Variants in FBXL13 observed in about 807,000 individuals in gnomAD.
FBXL13 encodes F-box and leucine-rich repeat protein 13.
FBXL13 carries 67 observed loss-of-function variants against 83.6 expected under a neutral mutation model. The ratio of observed to expected loss-of-function variants is 0.80; its 90% CI spans 0.66 to 0.98. The LOEUF (loss-of-function observed/expected upper bound fraction) is 0.98. Ranked by LOEUF, FBXL13 falls within the 50% of genes least tolerant of loss-of-function variation. FBXL13 has a pLI of 0.00. For missense variants in FBXL13, 822 were observed against 866.5 expected (o/e 0.95, Z 0.64); for synonymous variants, 272 against 299.5 (o/e 0.91, Z 0.95).
Position 102,926,574 on chromosome 7 carries a change from C to T in FBXL13, c.778-200G>A, listed in dbSNP as rs147421976. Among the ~76,000 whole-genome samples the T allele has an allele frequency of 3.7e-3, 568 of 152,302 alleles. 5 individuals carry two copies. Among genetic ancestry groups the T allele is most frequent in the African/African-American group, 0.013 (561 of 41,562 alleles). On this transcript the variant is annotated intron_variant, in intron 9 of 19. Transcript: ENST00000313221. The stretch of plus-strand genomic sequence containing the variant: ...TTTGCTCAAAGCATCATTACTCCCT[C>T]CTTTTCCCTTTCCTTGGAAATCAAG...
Position 102,914,827 on chromosome 7 carries a change from G to A in FBXL13, c.879-1612C>T, listed in dbSNP as rs545335125. Among the ~76,000 whole-genome samples the A allele has an allele frequency of 8.5e-5, 13 of 152,294 alleles. No homozygotes were observed. In the South Asian group the frequency reaches 2.7e-3, roughly 32 times the overall value. ...CTCTTGGGGCTGTCGAGTGGACTGA[G>A]CTGTGCTAAAGTTTTGGAAATGCGT... On this transcript the variant is annotated intron_variant, in intron 10 of 19. Transcript: ENST00000313221.
chr7:102,973,585 T>C (rs190878117), intron 6 of FBXL13: 6 of 765,632 alleles, frequency 7.8e-6, no homozygotes, highest in African/African-American at 5.1e-5. Flanking sequence ...TGGCACACTC[T>C]CAAGAGTTTG....
intron 11 of FBXL13, among the ~76,000 whole-genome samples, chr7:102,889,142 T>C (rs929192619): frequency 2.6e-5 from 4 of 152,210 alleles, no homozygotes; most frequent in African/African-American, 4.8e-5. Flanking sequence ...TGAGAACTCA[T>C]TGTGGTGCAG....
intron 11 of FBXL13, among the ~76,000 whole-genome samples, chr7:102,903,945 T>C (rs956879486): frequency 6.2e-4 from 88 of 142,806 alleles, no homozygotes; most frequent in African/African-American, 1.7e-3. Flanking sequence ...TTTTCTTTTT[T>C]TTTTTTTTTT....
chr7:102,991,836 T>C (rs2129484547), intron 6 of FBXL13, among the ~76,000 whole-genome samples: 1 of 152,290 alleles, frequency 6.6e-6, no homozygotes, highest in Admixed American at 6.5e-5. Flanking sequence ...ACAGGAAGCA[T>C]GAGTCAGGAA....
chr7:103,016,231 T>A (rs949799279), intron 6 of FBXL13, among the ~76,000 whole-genome samples: 1 of 146,332 alleles, frequency 6.8e-6, no homozygotes, highest in Non-Finnish European at 1.5e-5. Flanking sequence ...AGAACAATGC[T>A]GGAGACATCA....
intron 2 of FBXL13, among the ~76,000 whole-genome samples, chr7:103,040,180 T>C (rs1795514168): frequency 6.6e-6 from 1 of 152,034 alleles, no homozygotes. Flanking sequence ...AATCCTAGTC[T>C]CTGATAAAAC....
At chr7:102,937,270 C>A (rs2129474410) in intron 8 of FBXL13, among the ~76,000 whole-genome samples, 1 of 151,198 alleles carries the variant, frequency 6.6e-6, no homozygotes, top group African/African-American at 2.4e-5. Flanking sequence ...GAGGCCGAGG[C>A]AGGTGGGACA....
intron 17 of FBXL13, among the ~76,000 whole-genome samples, chr7:102,845,669 C>G (rs1459650235): frequency 6.6e-6 from 1 of 152,186 alleles, no homozygotes; most frequent in East Asian, 1.9e-4. Context: ...TAATCCATTT[C>G]CTTCTCCCCA....
At chr7:103,011,085 C>A (rs181396267) in intron 6 of FBXL13, among the ~76,000 whole-genome samples, 107 of 152,272 alleles carry the variant, frequency 7.0e-4, no homozygotes, top group Non-Finnish European at 1.2e-3. Flanking sequence ...CATCGGCCCA[C>A]ACAAATGAGA....
chr7:103,032,847 T>G (rs1794646622), intron 2 of FBXL13, among the ~76,000 whole-genome samples: 1 of 152,110 alleles, frequency 6.6e-6, no homozygotes, highest in Non-Finnish European at 1.5e-5. Flanking sequence ...CTCGGCAACA[T>G]AGTGAGACCT....
chr7:103,050,018 T>A (rs1174596889), intron 2 of FBXL13: 1 of 152,234 alleles, frequency 6.6e-6, no homozygotes, highest in East Asian at 1.9e-4. Flanking sequence ...CCTAAGCACA[T>A]AACTGACCAG....
intron 14 of FBXL13, 72 bp downstream of exon 15, chr7:102,883,233 T>C (rs1240991501): frequency 1.4e-6 from 2 of 1,415,142 alleles, no homozygotes; most frequent in Non-Finnish European, 1.9e-6. Flanking sequence ...AAACCATAAG[T>C]TCCTTAGGAG....
In FBXL13 at chr7:102,833,596, C is replaced by CTT. The variant is rs1225188712; in HGVS notation, c.1720-624_1720-623dup. Among the ~76,000 whole-genome samples, 55 of 138,218 alleles carry CTT rather than the reference C, an allele frequency of 4.0e-4. 1 individual carries two copies. In the East Asian group the frequency reaches 9.8e-3, roughly 25 times the overall value. The allele number at this position is 138,218 out of a possible 152,430, so 90.7% of individuals were successfully genotyped here. A position where few individuals can be genotyped will look rare whatever the true frequency, so the allele number is the denominator to read the frequency against. On this transcript the variant is annotated intron_variant, in intron 17 of 19. Transcript: ENST00000313221. ...CGTGCACCACCACGCCCGGCTAATT[C>CTT]TTTTTTTTTTTTTTTAGTAGAGATG...
In FBXL13 at chr7:102,934,255, G is replaced by A. The variant is rs375548656; in HGVS notation, c.725-2322C>T. ...AGCTGAAAAGCCTGGATCTGCAGCA[G>A]AATGAGATCTCTAAAATTGAGAGTG... On this transcript the variant is annotated intron_variant, in intron 8 of 19. Transcript: ENST00000313221. 5 of 1,614,066 alleles carry A rather than the reference G, an allele frequency of 3.1e-6. No homozygotes were observed. In the African/African-American group the frequency reaches 5.3e-5, roughly 17 times the overall value.
intron 18 of FBXL13, among the ~76,000 whole-genome samples, chr7:102,823,435 A>G (rs538313467): frequency 6.6e-6 from 1 of 152,344 alleles, no homozygotes; most frequent in South Asian, 2.1e-4. Flanking sequence ...GGTGAGACAG[A>G]TGTTTGGAAG....
chr7:102,920,588 T>C (rs1012173293), intron 10 of FBXL13, among the ~76,000 whole-genome samples: 2 of 152,068 alleles, frequency 1.3e-5, no homozygotes, highest in Non-Finnish European at 2.9e-5. Context: ...TGGGCTCAAG[T>C]AGTCCGCCCA....
At chr7:102,867,668 C>CATATATATATATATATATAT in intron 16 of FBXL13, among the ~76,000 whole-genome samples, 1 of 72,644 alleles carries the variant, frequency 1.4e-5, no homozygotes, top group East Asian at 5.3e-4. Context: ...TAGACTTAGA[C>CATATATATATATATATATAT]ATATATATAT....
At chr7:102,881,637 C>T (rs1037863728) in intron 14 of FBXL13, among the ~76,000 whole-genome samples, 3 of 151,914 alleles carry the variant, frequency 2.0e-5, no homozygotes, top group Non-Finnish European at 4.4e-5. Context: ...AACTTTGTGG[C>T]TTAAATGGCA....
Sources: gnomAD v4.1 joint callset for allele counts (sites outside exome capture counted in the v4.1 genomes callset) on GRCh38, gnomAD v4.1.1 for gene constraint, MANE v1.5 for transcripts, NCBI Gene and HGNC (gene_info 2026-07-23, HGNC 2026-07-21) for gene names.